The following HECW1 variants were observed in gnomAD, a reference collection of about 807,000 sequenced individuals.
HECW1 encodes the protein HECT, C2 and WW domain containing E3 ubiquitin protein ligase 1.
In HECW1, 61 loss-of-function variants were observed where a neutral mutation model predicts 182.3. The ratio of observed to expected loss-of-function variants is 0.33; its 90% CI spans 0.27 to 0.41. The LOEUF is 0.41. Ranked by LOEUF, HECW1 falls within the 10% of genes least tolerant of loss-of-function variation. HECW1 has a pLI of 1.00. For missense variants in HECW1, 1,739 were observed against 2,108.9 expected (o/e 0.82, Z 3.44); for synonymous variants, 859 against 832.6 (o/e 1.03, Z -0.55).
At chr7:43,294,484 GCCACT>G (rs985987488) in intron 3 of HECW1, among the ~76,000 whole-genome samples, 8 of 152,194 alleles carry the variant, frequency 5.3e-5, no homozygotes, top group African/African-American at 1.9e-4. Flanking sequence ...GGAATCAGCT[GCCACT>G]GTTGCTGTAA....
At chr7:43,196,406 TTCAA>T (rs1338838653) in intron 2 of HECW1, among the ~76,000 whole-genome samples, 1 of 152,224 alleles carries the variant, frequency 6.6e-6, no homozygotes, top group African/African-American at 2.4e-5. Context: ...AGACAACTAT[TTCAA>T]TCAGTGTCTA....
At chr7:43,200,006 C>T (rs912454585) in intron 2 of HECW1, among the ~76,000 whole-genome samples, 1 of 152,160 alleles carries the variant, frequency 6.6e-6, no homozygotes, top group Admixed American at 6.5e-5. Flanking sequence ...AGTCACTAAG[C>T]GTCGCTCAAT....
intron 23 of HECW1, chr7:43,508,706 T>C (rs1341184580): frequency 2.1e-6 from 1 of 479,710 alleles, no homozygotes; most frequent in Admixed American, 3.6e-5. Flanking sequence ...AGGTGTTAGA[T>C]GATCAAAAGA....
chr7:43,164,908 G>C lies in HECW1; in HGVS notation c.-32+50517G>C, dbSNP rs149296295. On this transcript the variant is annotated intron_variant, in intron 2 of 29. Transcript: ENST00000395891. ...TCATAACACAAGCTCATTCATCAGC[G>C]AGTGTCTTAAGAGTGAAGAGTCATG... Among the ~76,000 whole-genome samples, 96 of 152,328 alleles carry C rather than the reference G, an allele frequency of 6.3e-4. No homozygotes were observed. In the East Asian group the frequency reaches 0.017, roughly 28 times the overall value.
At chr7:43,321,621 A>G (rs1475789592) in intron 5 of HECW1, among the ~76,000 whole-genome samples, 2 of 152,206 alleles carry the variant, frequency 1.3e-5, no homozygotes, top group Admixed American at 1.3e-4. Context: ...TGTTCATTCA[A>G]TGTGGCATGT....
In HECW1 at chr7:43,438,114, G is replaced by A. The variant is rs771764814; in HGVS notation, c.913G>A (p.Val305Ile). 16 of 1,614,048 alleles carry A rather than the reference G, an allele frequency of 9.9e-6. No individual in the cohort carries two copies. The highest frequency in any genetic ancestry group is 1.3e-5 in the African/African-American group (1 of 75,016). ...KRFLGKLSMP[V>I]QRLLERHAIG... ...CTTCTTGGGAAAGCTGTCGATGCCC[G>A]TTCAAAGACTCCTGGAGAGACACGC... Residue 305 changes from valine (V) to isoleucine (I), a missense_variant, in exon 9 of 30, where the codon GTT becomes ATT. Transcript: ENST00000395891.
rs746750028 is a variant in HECW1, at chr7:43,469,034, A to G, written c.3028A>G (p.Ile1010Val). Residue 1010 changes from isoleucine (I) to valine (V), a missense_variant, in exon 16 of 30, where the codon ATC (isoleucine) becomes GTC (valine). Physicochemically the swap from Ile to Val is conservative, Grantham distance 29. Around this residue, in one of 5 missense-constraint regions of HECW1, gnomAD observed 971 missense variants for 1,029.1 expected, o/e 0.94. Coordinates refer to ENST00000395891, the MANE Select transcript of HECW1 (RefSeq NM_015052.5). ...GCACAACCGGGACTTGGTGAATTTC[A>G]TCAACATGTTCGCAGACACTCGGCT... ...YQHNRDLVNF[I>V]NMFADTRLEL... 9 of 1,614,198 alleles carry G rather than the reference A, an allele frequency of 5.6e-6. No individual in the cohort carries two copies. The highest frequency in any genetic ancestry group is 6.8e-6 in the Non-Finnish European group (8 of 1,180,036).
rs141328978 is a variant in HECW1 at position 43,369,701 on chromosome 7, C to T, written c.555+8721C>T. ...ATCCAGTGACCTAGAAAAAAGAGGA[C>T]GTGAAAATTAAATGAGGACTTCTTA... On this transcript the variant is annotated intron_variant, in intron 6 of 29. Transcript: ENST00000395891. Among the ~76,000 whole-genome samples, 105 of 145,780 alleles carry T rather than the reference C, an allele frequency of 7.2e-4. 1 individual carries two copies. In the East Asian group the frequency reaches 0.014, roughly 20 times the overall value.
intron 24 of HECW1, among the ~76,000 whole-genome samples, chr7:43,527,066 T>C (rs1167876898): frequency 6.6e-6 from 1 of 152,222 alleles, no homozygotes; most frequent in Non-Finnish European, 1.5e-5. Flanking sequence ...CAGCCTTTTA[T>C]GGTCAAATTT....
intron 5 of HECW1, among the ~76,000 whole-genome samples, chr7:43,349,838 A>G (rs965266877): frequency 6.6e-6 from 1 of 152,200 alleles, no homozygotes; most frequent in African/African-American, 2.4e-5. Flanking sequence ...AATTTAGGCC[A>G]TTTACATTCA....
intron 3 of HECW1, among the ~76,000 whole-genome samples, chr7:43,287,321 G>C (rs1014825880): frequency 6.6e-6 from 1 of 152,104 alleles, no homozygotes. Context: ...ATGTCTGGGG[G>C]TGCACATTCC....
chr7:43,327,807 A>T (rs1289789132), intron 5 of HECW1, among the ~76,000 whole-genome samples: 1 of 152,132 alleles, frequency 6.6e-6, no homozygotes, highest in Non-Finnish European at 1.5e-5. Flanking sequence ...GCATCATGTG[A>T]TATCATATAT....
chr7:43,454,539 A>T (rs2117268), intron 12 of HECW1, among the ~76,000 whole-genome samples: 24,905 of 152,152 alleles, frequency 0.16, 2,568 homozygotes, highest in South Asian at 0.22. Context: ...ATCTATTTTA[A>T]TCAAAATCTC....
chr7:43,375,562 T>TA (rs1331090523), intron 6 of HECW1, among the ~76,000 whole-genome samples: 2 of 152,154 alleles, frequency 1.3e-5, no homozygotes, highest in Admixed American at 6.5e-5. Flanking sequence ...ATTAGCTAAA[T>TA]AAAAAATAAT....
chr7:43,315,061 G>A (rs1012652776), intron 4 of HECW1, among the ~76,000 whole-genome samples: 1 of 152,194 alleles, frequency 6.6e-6, no homozygotes, highest in African/African-American at 2.4e-5. Flanking sequence ...CAGAGGCCAG[G>A]GTTGTGATGC....
At chr7:43,355,761 C>G (rs561625571) in intron 5 of HECW1, among the ~76,000 whole-genome samples, 1 of 152,204 alleles carries the variant, frequency 6.6e-6, no homozygotes, top group African/African-American at 2.4e-5. Flanking sequence ...GAGGCTGAGG[C>G]AGGCAGATCA....
chr7:43,218,594 C>T (rs141555260), intron 2 of HECW1, among the ~76,000 whole-genome samples: 1 of 152,292 alleles, frequency 6.6e-6, no homozygotes, highest in East Asian at 1.9e-4. Context: ...GAAGGCACAG[C>T]AAAGCTGGCT....
intron 3 of HECW1, among the ~76,000 whole-genome samples, chr7:43,269,981 T>G (rs1802210415): frequency 6.6e-6 from 1 of 152,192 alleles, no homozygotes; most frequent in Admixed American, 6.5e-5. Context: ...ACTTAATATT[T>G]CTCAGCCTCT....
chr7:43,255,607 A>C (rs1319700839), intron 3 of HECW1, among the ~76,000 whole-genome samples: 3 of 152,124 alleles, frequency 2.0e-5, no homozygotes, highest in African/African-American at 4.8e-5. Flanking sequence ...AAAAAAAAAA[A>C]AAAAAACAAG....
Sources: gnomAD v4.1 joint callset for allele counts (sites outside exome capture counted in the v4.1 genomes callset) on GRCh38, gnomAD v4.1.1 for gene constraint, gnomAD v4.1.1 regional missense constraint, MANE v1.5 for transcripts, NCBI Gene and HGNC (gene_info 2026-07-23, HGNC 2026-07-21) for gene names.